Variants in HFM1 observed in about 807,000 individuals in gnomAD.
HFM1 encodes probable ATP-dependent DNA helicase HFM1.
Under a neutral mutation model 192.1 loss-of-function variants are expected in HFM1, and 169 were observed. The observed-to-expected ratio is 0.88, with a 90% confidence interval of 0.78 to 1.00. HFM1 has a LOEUF of 1.00. Ranked by LOEUF, HFM1 falls within the 50% of genes least tolerant of loss-of-function variation. HFM1 has a pLI of 0.00. For synonymous variants in HFM1, 525 were observed against 537.8 expected, an observed-to-expected ratio of 0.98 and a Z score of 0.33; for missense variants, 1,661 against 1,668.0, an observed-to-expected ratio of 1.00 and a Z score of 0.07.
At chr1:91,329,080 G>C in intron 20 of HFM1, 7 of 1,610,026 alleles carry the variant, frequency 4.3e-6, no homozygotes, top group Non-Finnish European at 3.4e-6. Context: ...AGTGACTACT[G>C]TAAGAGTATC....
intron 13 of HFM1, among the ~76,000 whole-genome samples, chr1:91,369,969 G>A (rs1386244973): frequency 3.9e-5 from 6 of 152,204 alleles, no homozygotes; most frequent in Admixed American, 2.0e-4. Context: ...ACACCTCTAC[G>A]CAAATAAACT....
chr1:91,307,938 A>G (rs1330541103), intron 30 of HFM1, among the ~76,000 whole-genome samples: 1 of 151,810 alleles, frequency 6.6e-6, no homozygotes, highest in African/African-American at 2.4e-5. Flanking sequence ...ATGACATTCC[A>G]TTGTCTTCTG....
At chr1:91,396,783 G>T (rs891507749) in intron 2 of HFM1, among the ~76,000 whole-genome samples, 1 of 152,090 alleles carries the variant, frequency 6.6e-6, no homozygotes, top group Non-Finnish European at 1.5e-5. Context: ...ACTAATCACG[G>T]GTCATCAATG....
chr1:91,401,255 G>A, intron 1 of HFM1, 146 bp from the exon 2 acceptor site: 1 of 534,732 alleles, frequency 1.9e-6, no homozygotes, highest in Non-Finnish European at 3.3e-6. Flanking sequence ...TTCCTTCAAA[G>A]CACCTCAATA....
chr1:91,378,228 A>G, intron 10 of HFM1, 45 bp from the exon 11 acceptor site: 1 of 1,399,962 alleles, frequency 7.1e-7, no homozygotes, highest in South Asian at 1.3e-5. Context: ...AGAATTAAAA[A>G]TACATTTAAT....
At position 91,273,833 on chromosome 1, in the gene HFM1, C is replaced by A. The variant is rs924253510; in HGVS notation, c.3669-18G>T. On this transcript the variant is annotated intron_variant, in intron 33 of 38. Transcript: ENST00000370425. ...ATTCTGACCTTTATAAAGATAAAAC[C>A]ATGAAAATGTTAAAGAAAATATGGA... The A allele has an allele frequency of 4.7e-6, 6 of 1,288,526 alleles. No homozygotes were observed. The highest frequency in any genetic ancestry group is 6.6e-6 in the Non-Finnish European group (6 of 907,414). The allele number at this position is 1,288,526 out of a possible 1,614,324, so 79.8% of individuals were successfully genotyped here. A position where few individuals can be genotyped will look rare whatever the true frequency, so the allele number is the denominator to read the frequency against.
chr1:91,325,724 C>A (rs1652800678), intron 20 of HFM1, among the ~76,000 whole-genome samples: 1 of 152,008 alleles, frequency 6.6e-6, no homozygotes, highest in Non-Finnish European at 1.5e-5. Flanking sequence ...CAAAGAACAC[C>A]TCCAGGAAAA....
intron 13 of HFM1, among the ~76,000 whole-genome samples, chr1:91,369,829 T>C (rs1356462008): frequency 1.3e-5 from 2 of 151,850 alleles, no homozygotes; most frequent in African/African-American, 2.4e-5. Context: ...ATCAACAAAA[T>C]TGATAAACCA....
intron 20 of HFM1, among the ~76,000 whole-genome samples, chr1:91,331,717 G>A (rs187332585): frequency 3.4e-4 from 52 of 152,234 alleles, no homozygotes; most frequent in African/African-American, 1.1e-3. Context: ...CCAACATGGC[G>A]AAACCCTGTC....
intron 30 of HFM1, among the ~76,000 whole-genome samples, chr1:91,290,825 A>G (rs1054369030): frequency 2.6e-5 from 4 of 152,138 alleles, no homozygotes; most frequent in Non-Finnish European, 5.9e-5. Flanking sequence ...AGCAAATGTA[A>G]AAGAACAGAA....
intron 4 of HFM1, among the ~76,000 whole-genome samples, 157 bp from the exon 5 acceptor site, chr1:91,385,991 T>A (rs1274078446): frequency 6.6e-6 from 1 of 152,220 alleles, no homozygotes; most frequent in African/African-American, 2.4e-5. Flanking sequence ...ACTTGCTAGT[T>A]TACCACTGAA....
In HFM1 at chr1:91,266,086, G is replaced by T; in HGVS notation, c.3905C>A (p.Ser1302Ter). ...KISGFGNTLS[S>*]STRGSKLPLQ... ...GGGTAGCTTACTTCCCCTGGTACTT[G>T]AACTCAAAGTGTTTCCAAATCCTAT... is the stretch of plus-strand genomic sequence containing the variant. The change falls in exon 36 of 39, where the codon TCA (serine) becomes TAA (stop). Residue 1302 changes from serine (S) to a stop codon, truncating the protein, a stop_gained. Transcript: ENST00000370425. LOFTEE classifies it high-confidence loss of function. The T allele has an allele frequency of 6.3e-7, 1 of 1,587,294 alleles. No individual in the cohort carries two copies. Among genetic ancestry groups the T allele is most frequent in the Non-Finnish European group, 8.5e-7 (1 of 1,172,522 alleles).
intron 30 of HFM1, among the ~76,000 whole-genome samples, chr1:91,299,100 C>T (rs1303067073): frequency 6.6e-6 from 1 of 152,016 alleles, no homozygotes; most frequent in Non-Finnish European, 1.5e-5. Flanking sequence ...GAAGATCTAC[C>T]AAGCAAATGG....
intron 2 of HFM1, 44 bp from the exon 3 acceptor site, chr1:91,396,449 A>G: frequency 1.0e-6 from 1 of 956,322 alleles, no homozygotes; most frequent in Non-Finnish European, 1.6e-6. Flanking sequence ...TAATAAAGAT[A>G]TAACATGAGA....
chr1:91,351,004 T>G, intron 17 of HFM1, 133 bp from the exon 18 acceptor site: 2 of 719,880 alleles, frequency 2.8e-6, no homozygotes, highest in East Asian at 6.1e-5. Flanking sequence ...TCCAAAAACA[T>G]AAAAGAAAAC....
chr1:91,262,418 T>C, intron 37 of HFM1, 26 bp from the exon 38 acceptor site: 8 of 1,579,604 alleles, frequency 5.1e-6, no homozygotes, highest in Non-Finnish European at 6.9e-6. Context: ...AAAATAACAA[T>C]CATTGAAAGT....
chr1:91,365,186 C>A (rs1217042026), intron 13 of HFM1, among the ~76,000 whole-genome samples: 1 of 151,942 alleles, frequency 6.6e-6, no homozygotes, highest in African/African-American at 2.4e-5. Context: ...TAGTAGTTAT[C>A]AGAGGCAGGA....
rs552080923 is a variant in HFM1, at chr1:91,395,707, A to C, written c.184+586T>G. Among the ~76,000 whole-genome samples, 5 of 152,242 alleles carry C rather than the reference A, an allele frequency of 3.3e-5. No individual in the cohort carries two copies. In the East Asian group the frequency reaches 9.6e-4, roughly 29 times the overall value. On this transcript the variant is annotated intron_variant, in intron 3 of 38. Coordinates refer to ENST00000370425, the MANE Select transcript of HFM1 (RefSeq NM_001017975.6). ...TTAATTGTTTACATAACGAGTATAC[A>C]TATTTTGGGGGGGTATCTGATATTT...
At chr1:91,334,154 A>G (rs1233950683) in intron 20 of HFM1, among the ~76,000 whole-genome samples, 1 of 152,212 alleles carries the variant, frequency 6.6e-6, no homozygotes. Flanking sequence ...CTGGAAAAAC[A>G]TATGGCTTGA....
Sources: gnomAD v4.1 joint callset for allele counts (sites outside exome capture counted in the v4.1 genomes callset) on GRCh38, gnomAD v4.1.1 for gene constraint, MANE v1.5 for transcripts, NCBI Gene and HGNC (gene_info 2026-07-23, HGNC 2026-07-21) for gene names.